Variants in CTDNEP1 observed in about 807,000 individuals in gnomAD.
CTDNEP1 encodes the protein CTD nuclear envelope phosphatase 1.
Under a neutral mutation model 30.1 loss-of-function variants are expected in CTDNEP1, and 3 were observed. The observed-to-expected ratio is 0.10, with a 90% CI of 0.05 to 0.26. CTDNEP1 has a LOEUF of 0.26. CTDNEP1 is among the 10% of genes least tolerant of loss of function. CTDNEP1 has a pLI of 1.00. For synonymous variants in CTDNEP1, 123 were observed against 118.8 expected (o/e 1.04, Z -0.23); for missense variants, 158 against 310.4 (o/e 0.51, Z 3.69).
chr17:7,246,888 G>A lies in CTDNEP1; in HGVS notation c.289-26C>T, dbSNP rs1299893214. 1 of 1,604,406 alleles carries A rather than the reference G, an allele frequency of 6.2e-7. No homozygotes were observed. The highest frequency in any genetic ancestry group is 1.7e-5 in the Admixed American group (1 of 59,956). On this transcript the variant is annotated intron_variant, in intron 3 of 7. Coordinates refer to ENST00000574322, the MANE Select transcript of CTDNEP1 (RefSeq NM_001143775.2). The surrounding 1 kb of genome is among the most constrained non-coding windows in gnomAD (Gnocchi z 4.9). ...CTACAGAGGAACAAGATGGGCTGGG[G>A]GATGTCATGACCACCACAACCCAGG...
At chr17:7,250,398 C>T (rs1016401799) in intron 1 of CTDNEP1, among the ~76,000 whole-genome samples, 9 of 152,116 alleles carry the variant, frequency 5.9e-5, no homozygotes, top group Admixed American at 5.9e-4. Context: ...GAGAGGGGAC[C>T]CAGAGATGCT....
At position 7,251,400 on chromosome 17, in the gene CTDNEP1, G is replaced by T; in HGVS notation, c.-104C>A. The stretch of plus-strand genomic sequence containing the variant: ...CCGGGAGGGGGAACGGGGGCCCCGA[G>T]TGGCAGGAGAGGCTGCAGAGAGGGG... On this transcript the variant is annotated 5_prime_UTR_variant, in exon 1 of 8. Transcript: ENST00000574322. 2 of 705,778 alleles carry T rather than the reference G, an allele frequency of 2.8e-6. No individual in the cohort carries two copies. The highest frequency in any genetic ancestry group is 4.2e-6 in the Non-Finnish European group (2 of 477,462). The allele number at this position is 705,778 out of a possible 1,614,324, so 43.7% of individuals were successfully genotyped here. A position where few individuals can be genotyped will look rare whatever the true frequency, so the allele number is the denominator to read the frequency against.
At chr17:7,250,462 A>G (rs1339595515) in intron 1 of CTDNEP1, among the ~76,000 whole-genome samples, 2 of 152,090 alleles carry the variant, frequency 1.3e-5, no homozygotes, top group African/African-American at 4.8e-5. Context: ...GGAGAAGCAA[A>G]CGTCCTCATT....
At chr17:7,250,306 C>G (rs2071897358) in intron 1 of CTDNEP1, among the ~76,000 whole-genome samples, 1 of 152,206 alleles carries the variant, frequency 6.6e-6, no homozygotes. Flanking sequence ...AGGATTCTCC[C>G]TGGTGGTGGT....
In CTDNEP1 at chr17:7,246,641, G is replaced by A; in HGVS notation, c.360+150C>T. ...GCACAACAAATGAACCCCAAGTACT[G>A]AAAGCCACTCCCCTACCATTACACA... is the stretch of plus-strand genomic sequence containing the variant. On this transcript the variant is annotated intron_variant, in intron 4 of 7. Coordinates refer to ENST00000574322, the MANE Select transcript of CTDNEP1 (RefSeq NM_001143775.2). The surrounding 1 kb of genome is among the most constrained non-coding windows in gnomAD (Gnocchi z 4.9). The A allele has an allele frequency of 2.8e-6, 2 of 707,084 alleles. No individual in the cohort carries two copies. Among genetic ancestry groups the A allele is most frequent in the Non-Finnish European group, 5.0e-6 (2 of 399,258 alleles). 43.8% of individuals were successfully genotyped at this position (707,084 alleles called of 1,614,324 possible).
At position 7,246,517 on chromosome 17, in the gene CTDNEP1, A is replaced by G. The variant is rs2071839889; in HGVS notation, c.361-147T>C. 1 of 677,722 alleles carries G rather than the reference A, an allele frequency of 1.5e-6. No homozygotes were observed. The highest frequency in any genetic ancestry group is 1.8e-5 in the South Asian group (1 of 57,116). 42.0% of individuals were successfully genotyped at this position (677,722 alleles called of 1,614,324 possible). ...TGAGGACACGAAATTCTGAACCCCC[A>G]GCCCAAACCTCCAAACTCAGTGTTA... On this transcript the variant is annotated intron_variant, in intron 4 of 7. Coordinates refer to ENST00000574322, the MANE Select transcript of CTDNEP1 (RefSeq NM_001143775.2). The surrounding 1 kb of genome is among the most constrained non-coding windows in gnomAD (Gnocchi z 4.9).
In CTDNEP1 at chr17:7,244,120, C is replaced by A. The variant is rs757534410; in HGVS notation, c.*65G>T. ...TCCTCACATTGGACAGGGCATCAGA[C>A]GGCATCCCAAGGGCTCGCCCTCCCT... On this transcript the variant is annotated 3_prime_UTR_variant, in exon 8 of 8. Coordinates refer to ENST00000574322, the MANE Select transcript of CTDNEP1 (RefSeq NM_001143775.2). 6.2e-7 allele frequency: 1 copy of A among 1,605,500 alleles called. No homozygotes were observed. The highest frequency in any genetic ancestry group is 1.9e-4 in the Middle Eastern group (1 of 5,318).
At chr17:7,251,152 C>T (rs1456162616) in intron 1 of CTDNEP1, 43 bp downstream of exon 1, 1 of 1,437,520 alleles carries the variant, frequency 7.0e-7, no homozygotes, top group East Asian at 2.5e-5. Flanking sequence ...GTCCCCAACA[C>T]CGCCAGACGT....
At position 7,244,013 on chromosome 17, in the gene CTDNEP1, C is replaced by A. The variant is rs2071807908; in HGVS notation, c.*172G>T. 1 of 1,414,296 alleles carries A rather than the reference C, an allele frequency of 7.1e-7. No homozygotes were observed. The highest frequency in any genetic ancestry group is 9.2e-7 in the Non-Finnish European group (1 of 1,083,480). 87.6% of individuals were successfully genotyped at this position (1,414,296 alleles called of 1,614,324 possible). A position where few individuals can be genotyped will look rare whatever the true frequency, so the allele number is the denominator to read the frequency against. On this transcript the variant is annotated 3_prime_UTR_variant, in exon 8 of 8. Coordinates refer to ENST00000574322, the MANE Select transcript of CTDNEP1 (RefSeq NM_001143775.2). ...GTGAGGCTGCTTCAGAGCCCCTGGC[C>A]CATGTGTCCATCCAGACTCCAAGTG...
chr17:7,250,940 C>T (rs1350535518), intron 1 of CTDNEP1, among the ~76,000 whole-genome samples: 1 of 152,176 alleles, frequency 6.6e-6, no homozygotes, highest in African/African-American at 2.4e-5. Context: ...CCACCCACCA[C>T]CTTAGCCCCC....
In CTDNEP1 at chr17:7,246,411, A is replaced by G; in HGVS notation, c.361-41T>C. 2 of 1,396,384 alleles carry G rather than the reference A, an allele frequency of 1.4e-6. No individual in the cohort carries two copies. The highest frequency in any genetic ancestry group is 1.0e-6 in the Non-Finnish European group (1 of 984,230). 86.5% of individuals were successfully genotyped at this position (1,396,384 alleles called of 1,614,324 possible). A position where few individuals can be genotyped will look rare whatever the true frequency, so the allele number is the denominator to read the frequency against. On this transcript the variant is annotated intron_variant, in intron 4 of 7. Transcript: ENST00000574322. This position sits in a 1 kb window ranked among gnomAD's most constrained non-coding sequence, Gnocchi z 4.9. ...GGAGAGGGCGATGCCATACAAGGTG[A>G]TGATTCCTTTAGACATACAGTTATC...
intron 7 of CTDNEP1, 122 bp downstream of exon 7, chr17:7,244,429 C>T: frequency 8.1e-7 from 1 of 1,230,304 alleles, no homozygotes; most frequent in Non-Finnish European, 1.2e-6. Flanking sequence ...CGACCTGGGT[C>T]CAAATGTTAA....
chr17:7,246,465 A>G lies in CTDNEP1; in HGVS notation c.361-95T>C. ...CAGAAAGGCAATGGCATAGTCCTTC[A>G]GGCCTTCCATCAACATCAAATGTCT... On this transcript the variant is annotated intron_variant, in intron 4 of 7. Coordinates refer to ENST00000574322, the MANE Select transcript of CTDNEP1 (RefSeq NM_001143775.2). This position sits in a 1 kb window ranked among gnomAD's most constrained non-coding sequence, Gnocchi z 4.9. 2 of 904,782 alleles carry G rather than the reference A, an allele frequency of 2.2e-6. No individual in the cohort carries two copies. The highest frequency in any genetic ancestry group is 3.4e-4 in the Middle Eastern group (1 of 2,962). The allele number at this position is 904,782 out of a possible 1,614,324, so 56.0% of individuals were successfully genotyped here.
In CTDNEP1 at chr17:7,249,097, A is replaced by C. The variant is rs1438464968; in HGVS notation, c.103-1754T>G. Among the ~76,000 whole-genome samples the C allele has an allele frequency of 2.6e-5, 4 of 152,154 alleles. No homozygotes were observed. The East Asian group carries it at 7.7e-4, about 29-fold the overall frequency. ...AGTCAGGGCCGTTAAGTGAGAGGTGAATAAGGGACAAGGACGTCACCACCT... is the reference window on the plus strand; with the variant it reads ...AGTCAGGGCCGTTAAGTGAGAGGTGCATAAGGGACAAGGACGTCACCACCT... On this transcript the variant is annotated intron_variant, in intron 1 of 7. Coordinates refer to ENST00000574322, the MANE Select transcript of CTDNEP1 (RefSeq NM_001143775.2).
Position 7,248,659 on chromosome 17 carries a change from A to T in CTDNEP1, c.103-1316T>A, listed in dbSNP as rs115500110. Among the ~76,000 whole-genome samples, 584 of 152,138 alleles carry T rather than the reference A, an allele frequency of 3.8e-3. 3 individuals are homozygous for T. Among genetic ancestry groups the T allele is most frequent in the African/African-American group, 0.013 (554 of 41,484 alleles). ...GGCAAGAGCCACCACCCCCGGCCGA[A>T]GCTGCCCTCTTAACTGTGATATTAT... is the stretch of plus-strand genomic sequence containing the variant. On this transcript the variant is annotated intron_variant, in intron 1 of 7. Coordinates refer to ENST00000574322, the MANE Select transcript of CTDNEP1 (RefSeq NM_001143775.2).
chr17:7,247,046 C>A lies in CTDNEP1; in HGVS notation c.288+18G>T. On this transcript the variant is annotated intron_variant, in intron 3 of 7. Transcript: ENST00000574322. ...AGGAACAGATGGAACCATTTCATCA[C>A]TCCCCACCACCACACACCTTGAGGA... The A allele has an allele frequency of 6.3e-7, 1 of 1,576,448 alleles. No homozygotes were observed. The highest frequency in any genetic ancestry group is 8.7e-7 in the Non-Finnish European group (1 of 1,147,660).
intron 1 of CTDNEP1, 21 bp from the exon 2 acceptor site, chr17:7,247,364 G>A (rs781077106): frequency 6.2e-7 from 1 of 1,604,952 alleles, no homozygotes; most frequent in South Asian, 1.1e-5. Flanking sequence ...CACAAAAGAG[G>A]ATTGAAACCC....
rs374343900 is a variant in CTDNEP1 at position 7,247,295 on chromosome 17, C to G, written c.151G>C (p.Val51Leu). ...VRYDILPLSP[V>L]SRNRLAQVKR... ...TACTTACCTAGCCGATTCCGGGACA[C>G]AGGAGATAAGGGGAGGATATCATAT... The change falls in exon 2 of 8, where the codon GTG becomes CTG. Residue 51 changes from valine (V) to leucine (L), a missense_variant. Physicochemically the swap from Val to Leu is conservative, Grantham distance 32. This residue lies in a region of CTDNEP1 where 62 missense variants were observed against 81.4 expected (regional missense o/e 0.76). Transcript: ENST00000574322. 1 of 1,613,866 alleles carries G rather than the reference C, an allele frequency of 6.2e-7. No individual in the cohort carries two copies. The highest frequency in any genetic ancestry group is 1.3e-5 in the African/African-American group (1 of 74,886).
At chr17:7,245,461 T>G (rs2071823282) in intron 6 of CTDNEP1, among the ~76,000 whole-genome samples, 1 of 151,580 alleles carries the variant, frequency 6.6e-6, no homozygotes, top group African/African-American at 2.4e-5. Flanking sequence ...AGACCCTATC[T>G]CAAAAAATAA....
Sources: gnomAD v4.1 joint callset for allele counts (sites outside exome capture counted in the v4.1 genomes callset) on GRCh38, gnomAD v4.1.1 for gene constraint, gnomAD v4.1.1 regional missense constraint, Gnocchi (gnomAD v3.1) non-coding constraint, MANE v1.5 for transcripts, NCBI Gene and HGNC (gene_info 2026-07-23, HGNC 2026-07-21) for gene names.